OTUD7A: variants seen among roughly 807,000 people sequenced by gnomAD.
OTUD7A encodes the protein OTU domain-containing protein 7A.
In OTUD7A, 12 loss-of-function variants were observed where a neutral mutation model predicts 65.7. The observed-to-expected ratio is 0.18, with a 90% CI of 0.12 to 0.30. The LOEUF (loss-of-function observed/expected upper bound fraction) is 0.30, where lower values mean the gene tolerates loss of function less well. Ranked by LOEUF, OTUD7A falls within the 10% of genes least tolerant of loss-of-function variation. The pLI is 1.00. For missense variants in OTUD7A, 1,148 were observed against 1,304.8 expected (o/e 0.88, Z 1.85); for synonymous variants, 641 against 586.3 (o/e 1.09, Z -1.35).
intron 1 of OTUD7A, among the ~76,000 whole-genome samples, chr15:31,792,260 CT>C (rs370052467): frequency 4.6e-5 from 7 of 152,168 alleles, no homozygotes; most frequent in African/African-American, 1.7e-4. Context: ...ACTGACACCC[CT>C]GACTACATTC....
intron 8 of OTUD7A, among the ~76,000 whole-genome samples, chr15:31,512,881 G>T (rs556333404): frequency 6.6e-6 from 1 of 152,326 alleles, no homozygotes; most frequent in South Asian, 2.1e-4. Flanking sequence ...GTTAGCACAG[G>T]TCTTTGAATA....
intron 1 of OTUD7A, among the ~76,000 whole-genome samples, chr15:31,684,569 A>T (rs1020127555): frequency 6.6e-6 from 1 of 150,406 alleles, no homozygotes; most frequent in Admixed American, 6.7e-5. Context: ...TTCTCTTCCA[A>T]GCTTACTCAT....
intron 5 of OTUD7A, among the ~76,000 whole-genome samples, chr15:31,531,069 G>A (rs1325977834): frequency 1.3e-5 from 2 of 152,146 alleles, no homozygotes; most frequent in East Asian, 1.9e-4. Context: ...ATCTGGAAAC[G>A]TATTTTACAC....
intron 3 of OTUD7A, among the ~76,000 whole-genome samples, chr15:31,627,513 C>T (rs1346896526): frequency 1.3e-5 from 2 of 151,958 alleles, no homozygotes; most frequent in Non-Finnish European, 2.9e-5. Flanking sequence ...GGGTTGGTTC[C>T]AAGTCTTTGC....
chr15:31,484,314 G>C lies in OTUD7A; in HGVS notation c.1782C>G (p.Thr594=), dbSNP rs776349843. 3 of 1,597,936 alleles carry C rather than the reference G, an allele frequency of 1.9e-6. No homozygotes were observed. In the South Asian group the frequency reaches 3.3e-5, roughly 18 times the overall value. Residue 594 remains threonine (T), a synonymous_variant, in exon 13 of 13, where the codon ACC becomes ACG. Transcript: ENST00000307050. The surrounding 1 kb of genome is among the most constrained non-coding windows in gnomAD (Gnocchi z 4.5). ...ASASTSPSEK[T]TPSPTDKAAG... is the part of the protein sequence containing the mutation. Reference sequence around the variant, plus strand: ...CTGCCTTGTCTGTGGGCGACGGCGTGGTCTTTTCCGACGGCGACGTGCTGG... The same window carrying C: ...CTGCCTTGTCTGTGGGCGACGGCGTCGTCTTTTCCGACGGCGACGTGCTGG...
intron 1 of OTUD7A, among the ~76,000 whole-genome samples, chr15:31,774,377 G>T (rs1895316327): frequency 6.6e-6 from 1 of 152,238 alleles, no homozygotes; most frequent in South Asian, 2.1e-4. Context: ...GCTTTAGACT[G>T]CTTTAAAATG....
chr15:31,670,766 C>T (rs1367714217), intron 1 of OTUD7A, among the ~76,000 whole-genome samples: 17 of 152,032 alleles, frequency 1.1e-4, no homozygotes, highest in Admixed American at 2.0e-4. Context: ...CCGAAGCGGG[C>T]GGATCACGAG....
At chr15:31,742,806 T>C (rs1161199254) in intron 1 of OTUD7A, among the ~76,000 whole-genome samples, 1 of 151,936 alleles carries the variant, frequency 6.6e-6, no homozygotes, top group Admixed American at 6.5e-5. Context: ...ACTGTGAGCA[T>C]AAGAAAGTTG....
chr15:31,544,295 G>A (rs573804859), intron 5 of OTUD7A, among the ~76,000 whole-genome samples: 14 of 151,672 alleles, frequency 9.2e-5, no homozygotes, highest in Non-Finnish European at 2.1e-4. Context: ...GAAAGGCTAG[G>A]AATTAATGAA....
chr15:31,743,661 C>A (rs528080065), intron 1 of OTUD7A, among the ~76,000 whole-genome samples: 7 of 152,094 alleles, frequency 4.6e-5, no homozygotes, highest in Admixed American at 4.6e-4. Flanking sequence ...AATCCCAGCA[C>A]TTTGGGAGGC....
At chr15:31,868,008 A>C (rs569841498) in intron 1 of OTUD7A, among the ~76,000 whole-genome samples, 1 of 152,344 alleles carries the variant, frequency 6.6e-6, no homozygotes, top group South Asian at 2.1e-4. Context: ...CAGGCCCGCC[A>C]AGCCGCGTTT....
Position 31,476,098 on chromosome 15 carries a change from C to G in OTUD7A, c.*7196G>C, listed in dbSNP as rs545643639. 4.6e-5 allele frequency: 7 copies of G among 152,292 alleles called. No homozygotes were observed. In the South Asian group the frequency reaches 1.4e-3, roughly 32 times the overall value. 9.4% of individuals were successfully genotyped at this position (152,292 alleles called of 1,614,324 possible). A position where few individuals can be genotyped will look rare whatever the true frequency, so the allele number is the denominator to read the frequency against. Reference sequence around the variant, plus strand: ...TAACAGGTCACTAAGGAGCTTAGTCCCTCTGTGGACCCAGCTAAGCCTGCT... The same window carrying G: ...TAACAGGTCACTAAGGAGCTTAGTCGCTCTGTGGACCCAGCTAAGCCTGCT... On this transcript the variant is annotated 3_prime_UTR_variant, in exon 13 of 13. Coordinates refer to ENST00000307050, the MANE Select transcript of OTUD7A (RefSeq NM_001382637.1).
intron 1 of OTUD7A, among the ~76,000 whole-genome samples, chr15:31,668,416 T>C (rs1490779934): frequency 6.6e-6 from 1 of 152,242 alleles, no homozygotes; most frequent in Non-Finnish European, 1.5e-5. Flanking sequence ...TGAATTTCTT[T>C]CTTATACTTG....
At chr15:31,860,624 TATA>T (rs1897695594) in intron 1 of OTUD7A, among the ~76,000 whole-genome samples, 2 of 23,512 alleles carry the variant, frequency 8.5e-5, no homozygotes, top group Admixed American at 8.7e-4. Context: ...GAAGTGGAGA[TATA>T]TATATATATA....
In OTUD7A at chr15:31,483,309, G is replaced by A. The variant is rs2041163328; in HGVS notation, c.2787C>T (p.Arg929=). 8.4e-7 allele frequency: 1 copy of A among 1,187,986 alleles called. No individual in the cohort carries two copies. Among genetic ancestry groups the A allele is most frequent in the Non-Finnish European group, 1.0e-6 (1 of 957,878 alleles). 73.6% of individuals were successfully genotyped at this position (1,187,986 alleles called of 1,614,324 possible). The change falls in exon 13 of 13, where the codon CGC becomes CGT. Residue 929 remains arginine (R), a synonymous_variant. Coordinates refer to ENST00000307050, the MANE Select transcript of OTUD7A (RefSeq NM_001382637.1). ...REELRRRREA[R]GARP ...GCCGCGCCGCTCAGGGCCGGGCCCC[G>A]CGCGCCTCGCGCCGCCGCCGCAGCT...
chr15:31,648,728 C>T (rs1201958053), intron 3 of OTUD7A, among the ~76,000 whole-genome samples: 1 of 152,150 alleles, frequency 6.6e-6, no homozygotes, highest in Non-Finnish European at 1.5e-5. Context: ...TGATTTATAT[C>T]TTTGCCTGTA....
intron 1 of OTUD7A, among the ~76,000 whole-genome samples, chr15:31,785,088 G>A (rs577039207): frequency 7.8e-4 from 119 of 152,284 alleles, no homozygotes; most frequent in African/African-American, 2.8e-3. Flanking sequence ...GACCCTGCAA[G>A]TACACACTGA....
intron 8 of OTUD7A, among the ~76,000 whole-genome samples, chr15:31,521,577 G>A (rs1447031035): frequency 6.6e-6 from 1 of 152,078 alleles, no homozygotes; most frequent in Non-Finnish European, 1.5e-5. Context: ...ACCAGGCTGT[G>A]GTGTGGGCAT....
intron 1 of OTUD7A, among the ~76,000 whole-genome samples, chr15:31,839,768 T>A (rs1319548361): frequency 6.6e-6 from 1 of 152,188 alleles, no homozygotes; most frequent in African/African-American, 2.4e-5. Context: ...AATAAGGGCA[T>A]CGGTCACCAT....
Sources: gnomAD v4.1 joint callset for allele counts (sites outside exome capture counted in the v4.1 genomes callset) on GRCh38, gnomAD v4.1.1 for gene constraint, Gnocchi (gnomAD v3.1) non-coding constraint, MANE v1.5 for transcripts, NCBI Gene and HGNC (gene_info 2026-07-23, HGNC 2026-07-21) for gene names.